The following RNF130 variants were observed in gnomAD, a reference collection of about 807,000 sequenced individuals.
RNF130 encodes the protein ring finger protein 130.
In RNF130, 21 loss-of-function variants were observed where a neutral mutation model predicts 44.6. The ratio of observed to expected loss-of-function variants is 0.47; its 90% CI spans 0.33 to 0.68. The LOEUF (loss-of-function observed/expected upper bound fraction) is 0.68, where lower values mean the gene tolerates loss of function less well. Among genes scored for constraint, RNF130 ranks in the 30% least tolerant of loss-of-function variants. The pLI, the probability that RNF130 is intolerant of heterozygous loss-of-function variation, is 0.02. For synonymous variants in RNF130, 214 were observed against 210.4 expected (o/e 1.02, Z -0.15); for missense variants, 479 against 560.6 (o/e 0.85, Z 1.47).
rs543387988 is a variant in RNF130 at position 179,936,666 on chromosome 5, T to G, written c.1151-16240A>C. Among the ~76,000 whole-genome samples, 3 of 152,344 alleles carry G rather than the reference T, an allele frequency of 2.0e-5. No individual in the cohort carries two copies. The East Asian group carries it at 5.8e-4, about 29-fold the overall frequency. ...TTGCTACTTTAAAGTAAAGCATCTC[T>G]TTATTGAAAAAGGAAAAACAAAGCT... On this transcript the variant is annotated intron_variant, in intron 7 of 7. Transcript: ENST00000522208.
chr5:179,963,629 A>G (rs1762378785), intron 7 of RNF130, 65 bp from the exon 8 acceptor site: 4 of 1,129,618 alleles, frequency 3.5e-6, no homozygotes, highest in Non-Finnish European at 5.3e-6. Context: ...CGATGCCAAC[A>G]TTTCCCTCAA....
intron 1 of RNF130, among the ~76,000 whole-genome samples, chr5:180,069,619 G>C (rs1022474602): frequency 6.6e-6 from 1 of 152,192 alleles, no homozygotes; most frequent in Non-Finnish European, 1.5e-5. Flanking sequence ...CCTCTTTTCA[G>C]AATTAAGGAA....
downstream of RNF130, among the ~76,000 whole-genome samples, chr5:179,951,964 A>G (rs943892710): frequency 2.0e-5 from 3 of 152,190 alleles, no homozygotes; most frequent in African/African-American, 4.8e-5. Flanking sequence ...AAAGACCTCA[A>G]ATCAATAACC....
intron 7 of RNF130, 138 bp downstream of exon 7, chr5:179,966,668 T>C (rs1762455434): frequency 4.3e-6 from 3 of 701,546 alleles, no homozygotes; most frequent in African/African-American, 3.6e-5. Flanking sequence ...CAAATACCTG[T>C]TTTAACAGCA....
chr5:180,014,356 A>G (rs1763666674), intron 2 of RNF130, among the ~76,000 whole-genome samples: 1 of 152,220 alleles, frequency 6.6e-6, no homozygotes, highest in East Asian at 1.9e-4. Flanking sequence ...TTGTCCTTTC[A>G]TAAGCTGAAG....
chr5:179,971,544 T>C (rs1326091987), intron 5 of RNF130, among the ~76,000 whole-genome samples: 3 of 152,160 alleles, frequency 2.0e-5, no homozygotes, highest in African/African-American at 7.2e-5. Flanking sequence ...CAATTTTTTG[T>C]ATTTTTAGTA....
downstream of RNF130, among the ~76,000 whole-genome samples, chr5:179,950,322 G>A (rs1011078460): frequency 2.6e-5 from 4 of 152,036 alleles, no homozygotes; most frequent in African/African-American, 9.7e-5. Flanking sequence ...TTGCCATGTT[G>A]GTCAGGCTGG....
chr5:179,985,672 G>A (rs932864689), intron 3 of RNF130, among the ~76,000 whole-genome samples: 4 of 152,162 alleles, frequency 2.6e-5, no homozygotes, highest in African/African-American at 4.8e-5. Context: ...ATTAAAAACC[G>A]GCAGATGGTA....
At chr5:180,064,581 C>T (rs988848389) in intron 1 of RNF130, among the ~76,000 whole-genome samples, 48 of 152,334 alleles carry the variant, frequency 3.2e-4, no homozygotes, top group African/African-American at 1.1e-3. Context: ...TGTTCACTTA[C>T]TCTTCATCTC....
chr5:180,069,134 G>T (rs897659998), intron 1 of RNF130, among the ~76,000 whole-genome samples: 4 of 152,132 alleles, frequency 2.6e-5, no homozygotes, highest in African/African-American at 9.7e-5. Context: ...AGTTCCTACT[G>T]CAACAGCAGA....
At chr5:179,950,475 T>C (rs942659929), downstream of RNF130, among the ~76,000 whole-genome samples, 1 of 152,048 alleles carries the variant, frequency 6.6e-6, no homozygotes, top group Non-Finnish European at 1.5e-5. Context: ...AAATACATGT[T>C]TAAGGTGCAA....
At chr5:180,044,556 G>A (rs12656814) in intron 1 of RNF130, among the ~76,000 whole-genome samples, 19,124 of 152,074 alleles carry the variant, frequency 0.13, 1,361 homozygotes, top group East Asian at 0.25. Flanking sequence ...CCACATGGCC[G>A]GGCGCGGTGG....
At chr5:179,976,968 G>A (rs887433178) in intron 5 of RNF130, 4 of 152,214 alleles carry the variant, frequency 2.6e-5, no homozygotes, top group South Asian at 4.1e-4. Flanking sequence ...CCCAGCTTGA[G>A]AGGAGCCACA....
At chr5:180,042,451 G>A (rs570131325) in intron 1 of RNF130, among the ~76,000 whole-genome samples, 1 of 152,262 alleles carries the variant, frequency 6.6e-6, no homozygotes, top group South Asian at 2.1e-4. Context: ...AACGGGGATA[G>A]AAGCCTATGT....
At chr5:179,983,333 CT>C (rs35802224) in intron 3 of RNF130, among the ~76,000 whole-genome samples, 27,791 of 108,290 alleles carry the variant, frequency 0.26, 2,921 homozygotes, top group African/African-American at 0.47. Context: ...TACAGATGAA[CT>C]TTTTTTTTTT....
rs954859630 is a variant in RNF130 at position 180,016,518 on chromosome 5, G to A, written c.443-3207C>T. On this transcript the variant is annotated intron_variant, in intron 2 of 8. Coordinates refer to ENST00000521389, the MANE Select transcript of RNF130 (RefSeq NM_018434.6). ...AACACTGCTAGTAAGTCACGGATGC[G>A]GCCACGCTCCCACGCACTTCCACGT... Among the ~76,000 whole-genome samples the A allele has an allele frequency of 2.6e-5, 4 of 152,164 alleles. No individual in the cohort carries two copies. In the East Asian group the frequency reaches 5.8e-4, roughly 22 times the overall value.
intron 7 of RNF130, among the ~76,000 whole-genome samples, chr5:179,938,646 T>A (rs2113681283): frequency 6.6e-6 from 1 of 152,314 alleles, no homozygotes; most frequent in African/African-American, 2.4e-5. Context: ...AAGCTTAACA[T>A]TATATATTTA....
In RNF130 at chr5:179,974,697, G is replaced by C. The variant is rs1762676829; in HGVS notation, c.848+3506C>G. Among the ~76,000 whole-genome samples the C allele has an allele frequency of 2.0e-5, 3 of 152,238 alleles. No homozygotes were observed. The South Asian group carries it at 6.2e-4, about 32-fold the overall frequency. On this transcript the variant is annotated intron_variant, in intron 5 of 8. Coordinates refer to ENST00000521389, the MANE Select transcript of RNF130 (RefSeq NM_018434.6). ...GACGCTGTGGGGCAGTACTTGGAGG[G>C]CGATGGCTTTGAAAGAGAGTTTTAA... is the stretch of plus-strand genomic sequence containing the variant.
At chr5:179,925,720 C>T (rs936840085) in intron 7 of RNF130, among the ~76,000 whole-genome samples, 5 of 151,946 alleles carry the variant, frequency 3.3e-5, no homozygotes, top group Non-Finnish European at 7.4e-5. Flanking sequence ...TTTTGTAGAG[C>T]CAGGGTCTTG....
Sources: gnomAD v4.1 joint callset for allele counts (sites outside exome capture counted in the v4.1 genomes callset) on GRCh38, gnomAD v4.1.1 for gene constraint, MANE v1.5 for transcripts, NCBI Gene and HGNC (gene_info 2026-07-23, HGNC 2026-07-21) for gene names.